The following EVI5 variants were observed in gnomAD, a reference collection of about 807,000 sequenced individuals.
EVI5 encodes ecotropic viral integration site 5 protein homolog.
EVI5 carries 73 observed loss-of-function variants against 112.0 expected under a neutral mutation model. The ratio of observed to expected loss-of-function variants is 0.65; its 90% CI spans 0.54 to 0.79. EVI5 has a LOEUF of 0.79. Ranked by LOEUF, EVI5 falls within the 30% of genes least tolerant of loss-of-function variation. The probability of loss-of-function intolerance (pLI) is 0.00; values close to 1 mark genes in which losing one functional copy is unlikely to be tolerated. For missense variants in EVI5, 900 were observed against 968.8 expected, an observed-to-expected ratio of 0.93 and a Z score of 0.94; for synonymous variants, 305 against 319.9, an observed-to-expected ratio of 0.95 and a Z score of 0.50.
At chr1:92,759,262 T>G (rs1459399578) in intron 1 of EVI5, among the ~76,000 whole-genome samples, 4 of 152,144 alleles carry the variant, frequency 2.6e-5, no homozygotes, top group Non-Finnish European at 5.9e-5. Flanking sequence ...ATGTTTTCAT[T>G]ATAAGTGATC....
chr1:92,766,285 A>G (rs1310909421), intron 1 of EVI5, among the ~76,000 whole-genome samples: 1 of 151,796 alleles, frequency 6.6e-6, no homozygotes, highest in Non-Finnish European at 1.5e-5. Context: ...CCACAAACAC[A>G]AAATTGTTTT....
chr1:92,764,972 T>C (rs1682385530), intron 1 of EVI5, among the ~76,000 whole-genome samples: 1 of 152,212 alleles, frequency 6.6e-6, no homozygotes, highest in South Asian at 2.1e-4. Context: ...GGACCTTTTC[T>C]GCTACTAGGC....
chr1:92,756,114 T>C, intron 1 of EVI5: 1 of 304,926 alleles, frequency 3.3e-6, no homozygotes, highest in Non-Finnish European at 6.9e-6. Flanking sequence ...ATAGTGTGCC[T>C]AAGCTGGAAC....
At chr1:92,785,954 C>T (rs889161563), upstream of EVI5, among the ~76,000 whole-genome samples, 22 of 151,610 alleles carry the variant, frequency 1.5e-4, no homozygotes, top group African/African-American at 5.3e-4. Context: ...GGCGTCGTGG[C>T]GTGCGCCTGT....
At chr1:92,697,476 G>C (rs930833731) in intron 6 of EVI5, among the ~76,000 whole-genome samples, 2 of 152,166 alleles carry the variant, frequency 1.3e-5, no homozygotes, top group Non-Finnish European at 2.9e-5. Flanking sequence ...AAAAGGCAGA[G>C]GAGAGGACTC....
chr1:92,601,245 A>G lies in EVI5; in HGVS notation c.2070+4062T>C, dbSNP rs1029130899. Among the ~76,000 whole-genome samples, 3 of 152,232 alleles carry G rather than the reference A, an allele frequency of 2.0e-5. No homozygotes were observed. In the East Asian group the frequency reaches 5.8e-4, roughly 29 times the overall value. ...GGCCATTATCAAAAAGATGAAAGAC[A>G]GTAAGTGCTGGAGAGGATGTGGTGA... On this transcript the variant is annotated intron_variant, in intron 18 of 19. Transcript: ENST00000684568.
chr1:92,728,003 A>G (rs1675850090), intron 2 of EVI5, among the ~76,000 whole-genome samples: 1 of 82,638 alleles, frequency 1.2e-5, no homozygotes, highest in Admixed American at 1.6e-4. Context: ...CAAAAAAAAA[A>G]AAGTTAAAGA....
At chr1:92,665,823 G>C (rs1664787790) in intron 11 of EVI5, 116 bp downstream of exon 11, 3 of 623,660 alleles carry the variant, frequency 4.8e-6, no homozygotes, top group Non-Finnish European at 8.3e-6. Context: ...AGCAAGCTAA[G>C]CAGTCAATAC....
rs781602940 is a variant in EVI5 at position 92,703,455 on chromosome 1, T to C, written c.504A>G (p.Glu168=). 6 of 1,595,460 alleles carry C rather than the reference T, an allele frequency of 3.8e-6. No homozygotes were observed. The highest frequency in any genetic ancestry group is 4.3e-6 in the Non-Finnish European group (5 of 1,175,352). Residue 168 remains glutamate (E), a synonymous_variant, in exon 4 of 20, where the codon GAA becomes GAG. Coordinates refer to ENST00000684568, the MANE Select transcript of EVI5 (RefSeq NM_001350197.2). ...IRRDIARTYP[E]HNFFKEKDSL... ...TATCTTTTTCCTTAAAAAAGTTGTGTTCAGGGTAAGTTCTAGCAATGTCCC... is the reference window on the plus strand; with the variant it reads ...TATCTTTTTCCTTAAAAAAGTTGTGCTCAGGGTAAGTTCTAGCAATGTCCC...
chr1:92,774,179 C>A (rs962340636), intron 1 of EVI5, among the ~76,000 whole-genome samples: 6 of 152,068 alleles, frequency 3.9e-5, no homozygotes, highest in Non-Finnish European at 7.4e-5. Flanking sequence ...ATGACTTATC[C>A]CCAAAATTCA....
At chr1:92,556,480 T>A (rs577347606) in intron 19 of EVI5, among the ~76,000 whole-genome samples, 17 of 152,320 alleles carry the variant, frequency 1.1e-4, no homozygotes, top group Admixed American at 1.0e-3. Context: ...AGATGACATA[T>A]AAAGAAACCA....
intron 1 of EVI5, among the ~76,000 whole-genome samples, chr1:92,780,582 C>T (rs1472881599): frequency 6.6e-6 from 1 of 152,108 alleles, no homozygotes; most frequent in East Asian, 1.9e-4. Flanking sequence ...CAGAAACAGA[C>T]CCACACTAAT....
intron 1 of EVI5, among the ~76,000 whole-genome samples, chr1:92,746,017 G>A (rs1482562660): frequency 6.6e-6 from 1 of 152,142 alleles, no homozygotes; most frequent in African/African-American, 2.4e-5. Flanking sequence ...CCTAAGTTGG[G>A]TGTACAGTAT....
intron 1 of EVI5, among the ~76,000 whole-genome samples, chr1:92,758,861 G>A (rs569337119): frequency 6.6e-6 from 1 of 151,824 alleles, no homozygotes; most frequent in African/African-American, 2.4e-5. Context: ...AAAGGTGAAA[G>A]ATGATCAAGA....
intron 10 of EVI5, among the ~76,000 whole-genome samples, chr1:92,675,398 C>T (rs1666556931): frequency 6.6e-6 from 1 of 152,136 alleles, no homozygotes; most frequent in African/African-American, 2.4e-5. Flanking sequence ...AATCTGTTTT[C>T]TGAAAATGCC....
chr1:92,549,149 G>T (rs1177909772), intron 19 of EVI5, among the ~76,000 whole-genome samples: 1 of 151,798 alleles, frequency 6.6e-6, no homozygotes, highest in Non-Finnish European at 1.5e-5. Context: ...CCAAAACAGA[G>T]ATATAGATCA....
intron 19 of EVI5, among the ~76,000 whole-genome samples, chr1:92,546,351 T>C (rs1665698508): frequency 6.6e-6 from 1 of 152,060 alleles, no homozygotes; most frequent in Non-Finnish European, 1.5e-5. Flanking sequence ...TCACCTGTAG[T>C]ATGACGGAGA....
chr1:92,762,210 T>C (rs1213163093), intron 1 of EVI5, among the ~76,000 whole-genome samples: 1 of 152,246 alleles, frequency 6.6e-6, no homozygotes, highest in Non-Finnish European at 1.5e-5. Flanking sequence ...ATATTATCTG[T>C]AGGCATATAA....
chr1:92,747,083 T>C (rs927017623), intron 1 of EVI5, among the ~76,000 whole-genome samples: 1 of 152,160 alleles, frequency 6.6e-6, no homozygotes, highest in African/African-American at 2.4e-5. Flanking sequence ...CCGCAGGTTC[T>C]GAACCAACCA....
Sources: allele counts gnomAD v4.1 joint callset (sites outside exome capture counted in the v4.1 genomes callset), GRCh38; gene constraint gnomAD v4.1.1; transcripts MANE v1.5; gene names NCBI Gene and HGNC (gene_info 2026-07-23, HGNC 2026-07-21).